Variants in EXOC4 observed in about 807,000 individuals in gnomAD.
EXOC4 encodes the protein exocyst complex component 4, also known as SEC8-like 1.
Under a neutral mutation model 107.2 loss-of-function variants are expected in EXOC4, and 71 were observed. The observed-to-expected ratio is 0.66, with a 90% CI of 0.55 to 0.81. EXOC4 has a LOEUF of 0.81. Among genes scored for constraint, EXOC4 ranks in the 30% least tolerant of loss-of-function variants. EXOC4 has a pLI of 0.00. For synonymous variants in EXOC4, 456 were observed against 441.2 expected (o/e 1.03, Z -0.42); for missense variants, 1,108 against 1,189.6 (o/e 0.93, Z 1.01).
At chr7:133,668,341 C>A (rs1311957605) in intron 10 of EXOC4, among the ~76,000 whole-genome samples, 1 of 152,158 alleles carries the variant, frequency 6.6e-6, no homozygotes, top group African/African-American at 2.4e-5. Flanking sequence ...TTTGCCTAAT[C>A]GCCTGTTTTC....
intron 10 of EXOC4, among the ~76,000 whole-genome samples, chr7:133,771,770 C>T (rs1796248237): frequency 1.3e-5 from 2 of 151,816 alleles, no homozygotes; most frequent in African/African-American, 4.8e-5. Context: ...GTTTTAAATC[C>T]ATCACTTGTC....
At chr7:133,787,995 AT>A (rs2151181492) in intron 10 of EXOC4, among the ~76,000 whole-genome samples, 2 of 97,294 alleles carry the variant, frequency 2.1e-5, no homozygotes, top group South Asian at 6.1e-4. Flanking sequence ...ATATATATAT[AT>A]ATATATATAT....
intron 10 of EXOC4, among the ~76,000 whole-genome samples, chr7:133,792,410 G>A (rs1021941999): frequency 6.6e-6 from 1 of 151,752 alleles, no homozygotes; most frequent in South Asian, 2.1e-4. Flanking sequence ...AAAATTAGTC[G>A]AGTGGTGTGG....
chr7:133,438,539 G>A (rs746644601), intron 7 of EXOC4, among the ~76,000 whole-genome samples: 6 of 151,978 alleles, frequency 3.9e-5, no homozygotes, highest in South Asian at 4.2e-4. Flanking sequence ...CATGAGAATC[G>A]TCTGGAATGC....
chr7:133,933,823 C>T (rs192290723), intron 13 of EXOC4, among the ~76,000 whole-genome samples: 70 of 152,252 alleles, frequency 4.6e-4, no homozygotes, highest in African/African-American at 1.6e-3. Flanking sequence ...GGATTCCTGG[C>T]GTGCCCATTT....
intron 10 of EXOC4, among the ~76,000 whole-genome samples, chr7:133,816,802 T>G (rs986056894): frequency 6.6e-6 from 1 of 152,174 alleles, no homozygotes; most frequent in Admixed American, 6.5e-5. Flanking sequence ...TATGACAATC[T>G]AATGTGATTG....
At chr7:133,559,758 G>A (rs1364343162) in intron 9 of EXOC4, among the ~76,000 whole-genome samples, 3 of 151,190 alleles carry the variant, frequency 2.0e-5, no homozygotes, top group South Asian at 2.1e-4. Flanking sequence ...TTCATATATC[G>A]GCTTCATTGT....
chr7:133,464,287 G>A (rs939442299), intron 7 of EXOC4, among the ~76,000 whole-genome samples: 3 of 152,060 alleles, frequency 2.0e-5, no homozygotes, highest in African/African-American at 7.2e-5. Context: ...TATTATTTTT[G>A]TTTCACAGAT....
chr7:133,375,167 C>G (rs1219580093), intron 7 of EXOC4, 165 bp downstream of exon 7: 1 of 625,114 alleles, frequency 1.6e-6, no homozygotes, highest in African/African-American at 1.8e-5. Context: ...GCATTAACTT[C>G]TACTATCTTC....
At chr7:133,291,907 A>G (rs1794415377) in intron 3 of EXOC4, among the ~76,000 whole-genome samples, 2 of 151,604 alleles carry the variant, frequency 1.3e-5, no homozygotes, top group Admixed American at 6.6e-5. Context: ...AACTTATCAC[A>G]TATGCATGGA....
chr7:133,324,371 C>A lies in EXOC4; in HGVS notation c.763+6981C>A, dbSNP rs1190090889. Among the ~76,000 whole-genome samples, 5 of 152,372 alleles carry A rather than the reference C, an allele frequency of 3.3e-5. No individual in the cohort carries two copies. In the East Asian group the frequency reaches 9.6e-4, roughly 29 times the overall value. ...TTAGTGCTATACATTTCCCTCTACA[C>A]ACTGCTTTAAATGTGTCCCAGATAT... On this transcript the variant is annotated intron_variant, in intron 5 of 17. Coordinates refer to ENST00000253861, the MANE Select transcript of EXOC4 (RefSeq NM_021807.4).
chr7:134,091,663 A>G, the EXOC4 span, among the ~76,000 whole-genome samples: 8 of 152,336 alleles, frequency 5.3e-5, no homozygotes, highest in South Asian at 1.4e-3. Flanking sequence ...TAAATCTTAT[A>G]TACTGACAAG....
chr7:133,514,744 A>T (rs892509910), intron 9 of EXOC4, among the ~76,000 whole-genome samples: 3 of 152,160 alleles, frequency 2.0e-5, no homozygotes, highest in Non-Finnish European at 4.4e-5. Flanking sequence ...TTTTGAGTTG[A>T]TTACATAGCA....
intron 5 of EXOC4, among the ~76,000 whole-genome samples, chr7:133,324,926 A>C (rs1472152975): frequency 1.3e-5 from 2 of 152,170 alleles, no homozygotes; most frequent in East Asian, 3.9e-4. Context: ...TAGGATAGTT[A>C]GCTCTTCTTG....
intron 10 of EXOC4, among the ~76,000 whole-genome samples, chr7:133,744,341 T>C (rs1291375984): frequency 6.6e-6 from 1 of 152,100 alleles, no homozygotes; most frequent in East Asian, 1.9e-4. Flanking sequence ...CCCTCCTAAG[T>C]TTGTTAATCA....
chr7:133,774,597 T>C (rs1436398575), intron 10 of EXOC4, among the ~76,000 whole-genome samples: 1 of 151,846 alleles, frequency 6.6e-6, no homozygotes, highest in Non-Finnish European at 1.5e-5. Flanking sequence ...GTTCAAGACA[T>C]TTAACTTGAT....
rs549548511 is a variant in EXOC4, at chr7:133,528,870, A to G, written c.1417+48732A>G. ...AAATCTCTGTTCATTTATACATCCCAACATCAACAGATGTATGATTTAGCA... is the reference window on the plus strand; with the variant it reads ...AAATCTCTGTTCATTTATACATCCCGACATCAACAGATGTATGATTTAGCA... On this transcript the variant is annotated intron_variant, in intron 9 of 17. Transcript: ENST00000253861. Among the ~76,000 whole-genome samples the G allele has an allele frequency of 7.1e-4, 108 of 152,252 alleles. No homozygotes were observed. The South Asian group carries it at 0.011, about 15-fold the overall frequency.
At chr7:134,090,621 C>T in the EXOC4 span, among the ~76,000 whole-genome samples, 4 of 152,084 alleles carry the variant, frequency 2.6e-5, no homozygotes, top group Admixed American at 6.5e-5. Context: ...AAGAGCTCAG[C>T]GAGACCAGAG....
intron 10 of EXOC4, among the ~76,000 whole-genome samples, chr7:133,809,459 A>T (rs1245322998): frequency 6.6e-6 from 1 of 152,210 alleles, no homozygotes; most frequent in Non-Finnish European, 1.5e-5. Context: ...AAGAGTTCAG[A>T]TTCATTTTTT....
Sources: gnomAD v4.1 joint callset for allele counts (sites outside exome capture counted in the v4.1 genomes callset) on GRCh38, gnomAD v4.1.1 for gene constraint, MANE v1.5 for transcripts, NCBI Gene and HGNC (gene_info 2026-07-23, HGNC 2026-07-21) for gene names.